Variants in GALNT17 observed in about 807,000 individuals in gnomAD.
GALNT17 encodes the protein polypeptide N-acetylgalactosaminyltransferase 17.
A neutral mutation model predicts 63.7 loss-of-function variants in GALNT17; 29 were observed. The observed-to-expected ratio is 0.46, with a 90% CI of 0.34 to 0.62. The LOEUF (loss-of-function observed/expected upper bound fraction) is 0.62, where lower values mean the gene tolerates loss of function less well. GALNT17 is among the 20% of genes least tolerant of loss of function. GALNT17 has a pLI of 0.01. For missense variants in GALNT17, 603 were observed against 799.6 expected (o/e 0.75, Z 2.97); for synonymous variants, 305 against 318.3 (o/e 0.96, Z 0.45).
chr7:71,429,333 G>A (rs559401074), intron 5 of GALNT17, among the ~76,000 whole-genome samples: 1 of 152,258 alleles, frequency 6.6e-6, no homozygotes, highest in South Asian at 2.1e-4. Context: ...GAAGGGAAAG[G>A]TCATGCTGTC....
At chr7:71,206,136 G>GTATATATATATGAATATATATATAAAA (rs1351651063) in intron 1 of GALNT17, among the ~76,000 whole-genome samples, 3 of 147,466 alleles carry the variant, frequency 2.0e-5, no homozygotes, top group African/African-American at 7.4e-5. Context: ...GTTTGTGTGT[G>GTATATATATATGAATATATATATAAAA]TATATATATA....
At chr7:71,670,857 A>G (rs1477422542) in intron 8 of GALNT17, among the ~76,000 whole-genome samples, 1 of 150,726 alleles carries the variant, frequency 6.6e-6, no homozygotes, top group Non-Finnish European at 1.5e-5. Flanking sequence ...TAACGTGTAC[A>G]CTTTGATGTG....
rs529061525 is a variant in GALNT17, at chr7:71,556,450, G to A, written c.963-14835G>A. Among the ~76,000 whole-genome samples, 158 of 152,304 alleles carry A rather than the reference G, an allele frequency of 1.0e-3. 1 individual carries two copies. The highest frequency in any genetic ancestry group is 3.6e-3 in the African/African-American group (151 of 41,574). On this transcript the variant is annotated intron_variant, in intron 5 of 10. Coordinates refer to ENST00000333538, the MANE Select transcript of GALNT17 (RefSeq NM_022479.3). ...GATCCAGCCAACGGTTCTGTCTACA[G>A]TGGGGATGAAAGAGCTTGGAGCTGA...
intron 6 of GALNT17, among the ~76,000 whole-genome samples, chr7:71,607,006 T>C (rs1199090982): frequency 2.0e-5 from 3 of 152,124 alleles, no homozygotes; most frequent in Non-Finnish European, 2.9e-5. Context: ...GATAGATGCC[T>C]TGTTAAAATA....
In GALNT17 at chr7:71,345,481, C is replaced by A. The variant is rs1038684194; in HGVS notation, c.422+9748C>A. On this transcript the variant is annotated intron_variant, in intron 2 of 10. Coordinates refer to ENST00000333538, the MANE Select transcript of GALNT17 (RefSeq NM_022479.3). The stretch of plus-strand genomic sequence containing the variant: ...TTTCTTTCAGCACAACAAATTCTAA[C>A]CCATTTTATCCCGACAATGTCTGCT... 2.0e-4 allele frequency among the ~76,000 whole-genome samples: 31 copies of A among 152,154 alleles called. 2 individuals carry two copies.
chr7:71,286,763 CTTTT>C (rs1562971292), intron 1 of GALNT17, among the ~76,000 whole-genome samples: 1 of 142,466 alleles, frequency 7.0e-6, no homozygotes, highest in African/African-American at 2.6e-5. Context: ...TTTTTTTTTT[CTTTT>C]TTTGTTTGTT....
At chr7:71,480,188 C>G (rs1441092952) in intron 5 of GALNT17, among the ~76,000 whole-genome samples, 9 of 99,510 alleles carry the variant, frequency 9.0e-5, no homozygotes, top group South Asian at 7.5e-4. Flanking sequence ...TTTTTTGAGA[C>G]AGAGGCTCTC....
intron 1 of GALNT17, among the ~76,000 whole-genome samples, chr7:71,190,831 G>T (rs1487674494): frequency 6.6e-6 from 1 of 151,750 alleles, no homozygotes; most frequent in South Asian, 2.1e-4. Context: ...AGGGTTCACC[G>T]TGTTGCCCAG....
intron 5 of GALNT17, among the ~76,000 whole-genome samples, chr7:71,481,997 C>T (rs1787825700): frequency 6.6e-6 from 1 of 151,982 alleles, no homozygotes; most frequent in Non-Finnish European, 1.5e-5. Context: ...AACCAGCTCC[C>T]ACAGTTGCAT....
intron 1 of GALNT17, among the ~76,000 whole-genome samples, chr7:71,169,522 A>G (rs574613246): frequency 1.3e-5 from 2 of 152,202 alleles, no homozygotes; most frequent in East Asian, 3.9e-4. Context: ...ACTGAATTGA[A>G]TTTTTACATA....
intron 1 of GALNT17, among the ~76,000 whole-genome samples, chr7:71,186,942 AT>A (rs1431817144): frequency 1.3e-5 from 2 of 152,146 alleles, no homozygotes; most frequent in Non-Finnish European, 2.9e-5. Flanking sequence ...CAAGGTAAAC[AT>A]TCAAGTAGAT....
intron 6 of GALNT17, among the ~76,000 whole-genome samples, chr7:71,596,369 G>A (rs1412949674): frequency 6.6e-6 from 1 of 152,044 alleles, no homozygotes; most frequent in Non-Finnish European, 1.5e-5. Context: ...AACAGCTCAT[G>A]CATGTTGAAA....
chr7:71,141,404 G>A (rs1467386134), intron 1 of GALNT17, among the ~76,000 whole-genome samples: 1 of 151,646 alleles, frequency 6.6e-6, no homozygotes, highest in East Asian at 1.9e-4. Flanking sequence ...AAAAAAGACA[G>A]ACTGGGTTTG....
chr7:71,713,311 G>A lies in GALNT17; in HGVS notation c.*1165G>A, dbSNP rs1007444974. On this transcript the variant is annotated 3_prime_UTR_variant, in exon 11 of 11. Transcript: ENST00000333538. ...TTGCTGCTTCATTACTCACCTGGAT[G>A]GGGACGAGGGATGAGAAGGGTGTGG... 2 of 153,178 alleles carry A rather than the reference G, an allele frequency of 1.3e-5. No individual in the cohort carries two copies. The highest frequency in any genetic ancestry group is 1.9e-4 in the East Asian group (1 of 5,176). The allele number at this position is 153,178 out of a possible 1,614,324, so 9.5% of individuals were successfully genotyped here. A position where few individuals can be genotyped will look rare whatever the true frequency, so the allele number is the denominator to read the frequency against.
intron 5 of GALNT17, among the ~76,000 whole-genome samples, chr7:71,489,244 G>A (rs1408524678): frequency 2.6e-5 from 4 of 152,078 alleles, no homozygotes; most frequent in African/African-American, 9.7e-5. Context: ...TGTGGCTCTA[G>A]GGGCCACACT....
intron 5 of GALNT17, among the ~76,000 whole-genome samples, chr7:71,540,015 A>T (rs1788862208): frequency 6.8e-6 from 1 of 148,048 alleles, no homozygotes; most frequent in Non-Finnish European, 1.5e-5. Context: ...GCTGGTCCTA[A>T]ACTCCTGGGC....
intron 1 of GALNT17, among the ~76,000 whole-genome samples, chr7:71,278,514 C>T (rs1195936714): frequency 6.6e-6 from 1 of 152,204 alleles, no homozygotes; most frequent in Non-Finnish European, 1.5e-5. Context: ...TTCACATGAC[C>T]TTTGTCGTAA....
At chr7:71,220,002 A>G (rs1174370917) in intron 1 of GALNT17, among the ~76,000 whole-genome samples, 7 of 152,196 alleles carry the variant, frequency 4.6e-5, no homozygotes, top group African/African-American at 7.2e-5. Flanking sequence ...GTTCTCTGAA[A>G]AGTAATTTGG....
intron 1 of GALNT17, among the ~76,000 whole-genome samples, chr7:71,296,478 G>C (rs1791081235): frequency 3.3e-5 from 5 of 152,030 alleles, no homozygotes; most frequent in Admixed American, 3.3e-4. Context: ...AGCCGGGCAT[G>C]GTGGCAGGTG....
Sources: gnomAD v4.1 joint callset for allele counts (sites outside exome capture counted in the v4.1 genomes callset) on GRCh38, gnomAD v4.1.1 for gene constraint, MANE v1.5 for transcripts, NCBI Gene and HGNC (gene_info 2026-07-23, HGNC 2026-07-21) for gene names.